Variants in MGA observed in about 807,000 individuals in gnomAD.
MGA encodes the protein MAX dimerization protein MGA, also known as MAX gene-associated protein.
MGA carries 40 observed loss-of-function variants against 261.1 expected under a neutral mutation model. The ratio of observed to expected loss-of-function variants is 0.15; its 90% CI spans 0.12 to 0.20. MGA has a LOEUF of 0.20. Ranked by LOEUF, MGA falls within the 10% of genes least tolerant of loss-of-function variation. The probability of loss-of-function intolerance (pLI) is 1.00; values close to 1 mark genes in which losing one functional copy is unlikely to be tolerated. For synonymous variants in MGA, 1,302 were observed against 1,290.6 expected (o/e 1.01, Z -0.19); for missense variants, 3,397 against 3,630.5 (o/e 0.94, Z 1.65).
chr15:41,734,209 C>G (rs2061657797), intron 11 of MGA, among the ~76,000 whole-genome samples: 1 of 151,894 alleles, frequency 6.6e-6, no homozygotes, highest in Non-Finnish European at 1.5e-5. Context: ...AGACTGGCCT[C>G]AACTGGTGAA....
chr15:41,716,755 A>G (rs2060659187), intron 9 of MGA, among the ~76,000 whole-genome samples: 1 of 152,182 alleles, frequency 6.6e-6, no homozygotes. Context: ...TGTCACTGCA[A>G]CACTGGGTAT....
At position 41,767,378 on chromosome 15, in the gene MGA, T is replaced by A; in HGVS notation, c.*98T>A. ...GTTTGTTTGTGTCTTAGAACTTGGA[T>A]CCTTGACTTCAATGATGCAGTGGAT... On this transcript the variant is annotated 3_prime_UTR_variant, in exon 24 of 24. Coordinates refer to ENST00000219905, the MANE Select transcript of MGA (RefSeq NM_001164273.2). 1 of 1,300,636 alleles carries A rather than the reference T, an allele frequency of 7.7e-7. No homozygotes were observed. Among genetic ancestry groups the A allele is most frequent in the Non-Finnish European group, 1.1e-6 (1 of 945,724 alleles). 80.6% of individuals were successfully genotyped at this position (1,300,636 alleles called of 1,614,324 possible). A position where few individuals can be genotyped will look rare whatever the true frequency, so the allele number is the denominator to read the frequency against.
intron 8 of MGA, 54 bp downstream of exon 8, chr15:41,711,403 G>T: frequency 1.3e-6 from 2 of 1,491,060 alleles, no homozygotes; most frequent in Non-Finnish European, 1.8e-6. Flanking sequence ...GAAAGAGCGA[G>T]GTTAGTGAGG....
chr15:41,710,045 T>C lies in MGA; in HGVS notation c.2426-646T>C, dbSNP rs367624511. Among the ~76,000 whole-genome samples, 23 of 152,260 alleles carry C rather than the reference T, an allele frequency of 1.5e-4. No homozygotes were observed. The East Asian group carries it at 4.1e-3, about 27-fold the overall frequency. On this transcript the variant is annotated intron_variant, in intron 7 of 23. Coordinates refer to ENST00000219905, the MANE Select transcript of MGA (RefSeq NM_001164273.2). ...TTTCTCCATGTTGGTCAGGCTGGTCTCGAACTCCCGACCTCAGGTGATCTG... is the reference window on the plus strand; with the variant it reads ...TTTCTCCATGTTGGTCAGGCTGGTCCCGAACTCCCGACCTCAGGTGATCTG...
At chr15:41,687,782 T>A (rs1826991333) in intron 2 of MGA, among the ~76,000 whole-genome samples, 1 of 152,170 alleles carries the variant, frequency 6.6e-6, no homozygotes, top group Non-Finnish European at 1.5e-5. Flanking sequence ...GAAAAGGATG[T>A]GTGTATTGTA....
chr15:41,625,850 T>G (rs1294010218), intron 1 of MGA, among the ~76,000 whole-genome samples: 1 of 152,196 alleles, frequency 6.6e-6, no homozygotes, highest in African/African-American at 2.4e-5. Flanking sequence ...GATTACAAAA[T>G]TATGTGATCA....
At chr15:41,644,036 T>G (rs1333161342) in intron 1 of MGA, among the ~76,000 whole-genome samples, 1 of 152,198 alleles carries the variant, frequency 6.6e-6, no homozygotes, top group African/African-American at 2.4e-5. Context: ...TTCTTTTATT[T>G]TTTTGAGTCA....
At chr15:41,644,891 C>G (rs369476158) in intron 1 of MGA, among the ~76,000 whole-genome samples, 2 of 152,038 alleles carry the variant, frequency 1.3e-5, no homozygotes, top group Non-Finnish European at 2.9e-5. Flanking sequence ...TAGAGGGCCA[C>G]ATAGTAAGTA....
At position 41,768,742 on chromosome 15, in the gene MGA, T is replaced by G. The variant is rs2063917056; in HGVS notation, c.*1462T>G. 1 of 152,546 alleles carries G rather than the reference T, an allele frequency of 6.6e-6. No homozygotes were observed. The highest frequency in any genetic ancestry group is 2.4e-5 in the African/African-American group (1 of 41,462). 9.4% of individuals were successfully genotyped at this position (152,546 alleles called of 1,614,324 possible). A position where few individuals can be genotyped will look rare whatever the true frequency, so the allele number is the denominator to read the frequency against. ...TGCTATTTCTTCTATATCTCCTGTC[T>G]TCTTTATCCCAAATCCCACTCAGCA... On this transcript the variant is annotated 3_prime_UTR_variant, in exon 24 of 24. Transcript: ENST00000219905.
intron 1 of MGA, among the ~76,000 whole-genome samples, chr15:41,624,795 G>A (rs1032345686): frequency 2.0e-5 from 3 of 152,110 alleles, no homozygotes; most frequent in Non-Finnish European, 4.4e-5. Context: ...AATATAAAAC[G>A]TGAAATCAGA....
At chr15:41,754,043 C>T (rs758052841) in intron 17 of MGA, among the ~76,000 whole-genome samples, 1 of 152,060 alleles carries the variant, frequency 6.6e-6, no homozygotes, top group Non-Finnish European at 1.5e-5. Flanking sequence ...CTCAGGTTTC[C>T]GAGTAGCTGT....
At chr15:41,650,429 A>G (rs778862855) in intron 1 of MGA, among the ~76,000 whole-genome samples, 5 of 151,738 alleles carry the variant, frequency 3.3e-5, no homozygotes, top group Admixed American at 6.6e-5. Flanking sequence ...CTATGCTTCT[A>G]TAGTTTTTCT....
At chr15:41,736,033 C>T in intron 12 of MGA, 148 bp from the exon 13 acceptor site, 2 of 737,452 alleles carry the variant, frequency 2.7e-6, no homozygotes, top group Non-Finnish European at 4.2e-6. Flanking sequence ...TCCTGGAAAA[C>T]TCCCAAATTG....
intron 19 of MGA, among the ~76,000 whole-genome samples, chr15:41,759,808 A>G (rs1303511851): frequency 1.3e-5 from 2 of 152,134 alleles, no homozygotes; most frequent in Non-Finnish European, 2.9e-5. Context: ...ATCTAGGTAC[A>G]GGTAAAAAGC....
intron 2 of MGA, among the ~76,000 whole-genome samples, chr15:41,692,043 A>G (rs1413191095): frequency 2.6e-5 from 4 of 152,014 alleles, no homozygotes; most frequent in African/African-American, 9.7e-5. Context: ...TCTTTTTGGC[A>G]GGGCAGTTAC....
At position 41,696,840 on chromosome 15, in the gene MGA, C is replaced by G; in HGVS notation, c.1830C>G (p.Val610=). ...CTAATCAGAATGCCTCTCCAAATGT[C>G]CCTGGAAAAAGAGGAAGGCCACGAA... is the stretch of plus-strand genomic sequence containing the variant. Residue 610 remains valine (V), a synonymous_variant, in exon 3 of 24, where the codon GTC becomes GTG. Transcript: ENST00000219905. The G allele has an allele frequency of 6.3e-7, 1 of 1,599,190 alleles. No homozygotes were observed. The highest frequency in any genetic ancestry group is 8.5e-7 in the Non-Finnish European group (1 of 1,172,690).
intron 8 of MGA, among the ~76,000 whole-genome samples, chr15:41,712,409 G>T (rs1268763867): frequency 6.6e-6 from 1 of 151,998 alleles, no homozygotes; most frequent in Non-Finnish European, 1.5e-5. Flanking sequence ...ATACAAATGG[G>T]GTTTTGCCAT....
At chr15:41,734,307 A>G (rs1350888250) in intron 11 of MGA, among the ~76,000 whole-genome samples, 3 of 152,080 alleles carry the variant, frequency 2.0e-5, no homozygotes, top group African/African-American at 7.2e-5. Context: ...TTGATGACTC[A>G]GTCACTATCA....
chr15:41,749,966 T>C lies in MGA; in HGVS notation c.6359T>C (p.Phe2120Ser). The change falls in exon 17 of 24, where the codon TTT becomes TCT. Residue 2120 changes from phenylalanine to serine, a missense_variant. Transcript: ENST00000219905. Reference sequence around the variant, plus strand: ...GTGAAGGTGGAACAGCAGAAAGGATTTGACAATCCAGAAGAAAACTCAAGT... The same window carrying C: ...GTGAAGGTGGAACAGCAGAAAGGATCTGACAATCCAGAAGAAAACTCAAGT... 2 of 1,612,926 alleles carry C rather than the reference T, an allele frequency of 1.2e-6. No individual in the cohort carries two copies. The highest frequency in any genetic ancestry group is 1.7e-6 in the Non-Finnish European group (2 of 1,179,600).
Sources: allele counts gnomAD v4.1 joint callset (sites outside exome capture counted in the v4.1 genomes callset), GRCh38; gene constraint gnomAD v4.1.1; transcripts MANE v1.5; gene names NCBI Gene and HGNC (gene_info 2026-07-23, HGNC 2026-07-21).